The following ANTXRL variants were observed in gnomAD, a reference collection of about 807,000 sequenced individuals.
The protein encoded by ANTXRL is anthrax toxin receptor-like.
Under a neutral mutation model 75.4 loss-of-function variants are expected in ANTXRL, and 63 were observed. The ratio of observed to expected loss-of-function variants is 0.84; its 90% CI spans 0.68 to 1.03. The LOEUF (loss-of-function observed/expected upper bound fraction) is 1.03. ANTXRL is among the 50% of genes least tolerant of loss of function. The pLI is 0.00. For synonymous variants in ANTXRL, 335 were observed against 291.3 expected, an observed-to-expected ratio of 1.15 and a Z score of -1.53; for missense variants, 797 against 789.4, an observed-to-expected ratio of 1.01 and a Z score of -0.12.
chr10:46,289,763 A>C (rs1304931854), intron 1 of ANTXRL, among the ~76,000 whole-genome samples: 1 of 151,934 alleles, frequency 6.6e-6, no homozygotes, highest in African/African-American at 2.4e-5. Context: ...AAAAACTTCT[A>C]TTTCCATTAA....
chr10:46,300,414 C>G (rs1486749643), intron 9 of ANTXRL, among the ~76,000 whole-genome samples: 1 of 152,154 alleles, frequency 6.6e-6, no homozygotes, highest in African/African-American at 2.4e-5. Context: ...AGCCCTGGGC[C>G]TCCTATCCAG....
chr10:46,295,244 C>G (rs143467453), intron 3 of ANTXRL, among the ~76,000 whole-genome samples: 8 of 152,268 alleles, frequency 5.3e-5, no homozygotes, highest in Non-Finnish European at 1.2e-4. Flanking sequence ...GGTCAGGGGT[C>G]TGGGGTCATT....
intron 2 of ANTXRL, among the ~76,000 whole-genome samples, chr10:46,293,536 TGTGTGTGCATATGTGTGTGA>T (rs1336099884): frequency 1.4e-5 from 2 of 145,256 alleles, no homozygotes; most frequent in African/African-American, 5.2e-5. Flanking sequence ...TGTGTGTGCA[TGTGTGTGCATATGTGTGTGA>T]GTGTGTGCCT....
rs184718853 is a variant in ANTXRL at position 46,289,450 on chromosome 10, C to T, written c.248+1940C>T. ...TGCGTATTGAAACTCTATTCTCAGCCGGGAGCAGTAGCTCCCTCCTGTAAT... is the reference window on the plus strand; with the variant it reads ...TGCGTATTGAAACTCTATTCTCAGCTGGGAGCAGTAGCTCCCTCCTGTAAT... On this transcript the variant is annotated intron_variant, in intron 1 of 16. Transcript: ENST00000620264. Among the ~76,000 whole-genome samples the T allele has an allele frequency of 4.9e-4, 75 of 152,282 alleles. 1 individual carries two copies. Among genetic ancestry groups the T allele is most frequent in the African/African-American group, 1.7e-3 (69 of 41,534 alleles).
chr10:46,293,252 G>T (rs535974279), intron 2 of ANTXRL, among the ~76,000 whole-genome samples: 23,620 of 146,662 alleles, frequency 0.16, 1,722 homozygotes, highest in Non-Finnish European at 0.19. Flanking sequence ...ATGTGTGTGG[G>T]GGGGTGTGTA....
intron 16 of ANTXRL, among the ~76,000 whole-genome samples, chr10:46,327,658 G>T (rs1554966772): frequency 1.3e-5 from 2 of 152,126 alleles, no homozygotes; most frequent in Admixed American, 6.5e-5. Context: ...AGCATTTGAG[G>T]CATTTGTCAC....
intron 12 of ANTXRL, chr10:46,308,406 T>TCCCCC: frequency 1.4e-5 from 1 of 73,862 alleles, no homozygotes; most frequent in Non-Finnish European, 2.6e-5. Flanking sequence ...GCCCCTTCCC[T>TCCCCC]CCCCTCCCCT....
chr10:46,292,355 G>C (rs1308261108), intron 2 of ANTXRL, among the ~76,000 whole-genome samples: 3 of 152,098 alleles, frequency 2.0e-5, no homozygotes, highest in South Asian at 4.1e-4. Flanking sequence ...ACATATTGCA[G>C]GGGAGGCAGT....
intron 10 of ANTXRL, among the ~76,000 whole-genome samples, chr10:46,303,547 C>G (rs1358382006): frequency 1.3e-5 from 2 of 152,160 alleles, no homozygotes; most frequent in African/African-American, 4.8e-5. Flanking sequence ...GCATTTCTTT[C>G]GAACATCATG....
chr10:46,299,526 G>A (rs1298727876), intron 9 of ANTXRL, among the ~76,000 whole-genome samples: 18 of 152,222 alleles, frequency 1.2e-4, no homozygotes, highest in African/African-American at 4.1e-4. Context: ...AGGGAGCCCT[G>A]GGTGTCCTCC....
chr10:46,308,735 A>G, intron 12 of ANTXRL: 1 of 338,770 alleles, frequency 3.0e-6, no homozygotes, highest in South Asian at 2.5e-5. Flanking sequence ...GTGGGGAGAG[A>G]GGCTGTGGGG....
chr10:46,321,604 C>T (rs1838979795), intron 16 of ANTXRL, among the ~76,000 whole-genome samples: 1 of 152,160 alleles, frequency 6.6e-6, no homozygotes, highest in Admixed American at 6.5e-5. Context: ...AAGACCCAAG[C>T]TACAGATTCT....
At chr10:46,299,570 C>G (rs1480589337) in intron 9 of ANTXRL, among the ~76,000 whole-genome samples, 2 of 152,062 alleles carry the variant, frequency 1.3e-5, no homozygotes, top group Non-Finnish European at 2.9e-5. Flanking sequence ...AGGCCCTTAG[C>G]AAGACCACGA....
At chr10:46,302,436 T>C (rs1353974191) in intron 9 of ANTXRL, among the ~76,000 whole-genome samples, 1 of 152,202 alleles carries the variant, frequency 6.6e-6, no homozygotes, top group Non-Finnish European at 1.5e-5. Flanking sequence ...ACTCTGAGCC[T>C]GCCCTGTGCA....
rs1838535772 is a variant in ANTXRL at position 46,313,272 on chromosome 10, A to G, written c.1366A>G (p.Ser456Gly). 1 of 1,535,854 alleles carries G rather than the reference A, an allele frequency of 6.5e-7. No homozygotes were observed. Among genetic ancestry groups the G allele is most frequent in the Non-Finnish European group, 8.7e-7 (1 of 1,146,718 alleles). Residue 456 changes from serine to glycine, a missense_variant, in exon 16 of 17, where the codon AGC (serine) becomes GGC (glycine). Physicochemically the swap from Ser to Gly is moderately conservative, Grantham distance 56. Coordinates refer to ENST00000620264, the MANE Select transcript of ANTXRL (RefSeq NM_001278688.3). ...LDTFCDLSHASCHQVPWMCCQ... is the reference protein window; with the variant it reads ...LDTFCDLSHAGCHQVPWMCCQ... The stretch of plus-strand genomic sequence containing the variant: ...TACCTTTTGTGACCTCTCTCACGCA[A>G]GCTGCCACCAGGTGCCATGGATGTG...
chr10:46,314,605 C>T (rs562891960), intron 16 of ANTXRL, among the ~76,000 whole-genome samples: 132 of 152,106 alleles, frequency 8.7e-4, no homozygotes, highest in African/African-American at 3.1e-3. Flanking sequence ...TGTCTCATTC[C>T]CAAGGGCAGC....
chr10:46,308,742 G>T (rs1281809771), intron 12 of ANTXRL: 2 of 350,214 alleles, frequency 5.7e-6, no homozygotes, highest in Non-Finnish European at 1.1e-5. Flanking sequence ...GAGAGGCTGT[G>T]GGGGATGGAC....
At position 46,330,033 on chromosome 10, in the gene ANTXRL, G is replaced by A; in HGVS notation, c.1845G>A (p.Arg615=). 5 of 1,532,318 alleles carry A rather than the reference G, an allele frequency of 3.3e-6. No homozygotes were observed. Among genetic ancestry groups the A allele is most frequent in the South Asian group, 1.2e-5 (1 of 83,784 alleles). The allele number at this position is 1,532,318 out of a possible 1,614,324, so 94.9% of individuals were successfully genotyped here. A position where few individuals can be genotyped will look rare whatever the true frequency, so the allele number is the denominator to read the frequency against. ...RMLPLLSPLL[R]HTAEPPLSLP... ...TGCCGCTGCTGTCCCCACTGCTCAGGCACACGGCAGAACCCCCTTTGTCAC... is the reference window on the plus strand; with the variant it reads ...TGCCGCTGCTGTCCCCACTGCTCAGACACACGGCAGAACCCCCTTTGTCAC... The change falls in exon 17 of 17, where the codon AGG becomes AGA. Residue 615 remains arginine, a synonymous_variant. Transcript: ENST00000620264.
chr10:46,313,460 T>C (rs1838549080), intron 16 of ANTXRL, 144 bp downstream of exon 16: 2 of 850,798 alleles, frequency 2.4e-6, no homozygotes, highest in African/African-American at 3.4e-5. Flanking sequence ...ACGGTGCCCA[T>C]GGGCATCCCA....
Sources: gnomAD v4.1 joint callset for allele counts (sites outside exome capture counted in the v4.1 genomes callset) on GRCh38, gnomAD v4.1.1 for gene constraint, MANE v1.5 for transcripts, NCBI Gene and HGNC (gene_info 2026-07-23, HGNC 2026-07-21) for gene names.